The following PTPRG variants were observed in gnomAD, a reference collection of about 807,000 sequenced individuals.
PTPRG encodes protein tyrosine phosphatase receptor type G, also known as receptor-type tyrosine-protein phosphatase gamma.
Under a neutral mutation model 165.3 loss-of-function variants are expected in PTPRG, and 102 were observed. The ratio of observed to expected loss-of-function variants is 0.62; its 90% CI spans 0.53 to 0.73. The LOEUF is 0.73. Among genes scored for constraint, PTPRG ranks in the 30% least tolerant of loss-of-function variants. PTPRG has a pLI of 0.00. For synonymous variants in PTPRG, 675 were observed against 669.5 expected (o/e 1.01, Z -0.13); for missense variants, 1,866 against 1,861.4 (o/e 1.00, Z -0.05).
intron 2 of PTPRG, among the ~76,000 whole-genome samples, chr3:61,964,416 C>T (rs1189381985): frequency 2.6e-5 from 4 of 152,126 alleles, no homozygotes; most frequent in Non-Finnish European, 2.9e-5. Context: ...TCAGCACTGT[C>T]CTCTCCTGGG....
At chr3:61,738,608 C>T (rs576517220) in intron 1 of PTPRG, among the ~76,000 whole-genome samples, 17 of 150,130 alleles carry the variant, frequency 1.1e-4, no homozygotes, top group African/African-American at 2.9e-4. Context: ...TGCAGTGGTG[C>T]GATCTTGGCT....
chr3:61,780,903 A>T (rs192856095), intron 2 of PTPRG, among the ~76,000 whole-genome samples: 5 of 152,256 alleles, frequency 3.3e-5, no homozygotes, highest in African/African-American at 1.2e-4. Flanking sequence ...GCGTGATATT[A>T]TAAGTTAATG....
chr3:62,276,056 C>A, intron 24 of PTPRG, 90 bp downstream of exon 24: 2 of 941,692 alleles, frequency 2.1e-6, no homozygotes, highest in Non-Finnish European at 3.2e-6. Context: ...CTATTGATAG[C>A]ACCCTTCAAT....
intron 5 of PTPRG, among the ~76,000 whole-genome samples, chr3:62,132,068 A>G (rs1189911086): frequency 6.6e-6 from 1 of 152,124 alleles, no homozygotes; most frequent in Non-Finnish European, 1.5e-5. Flanking sequence ...AAGGTGGGAG[A>G]CACTGTCTCT....
At chr3:61,743,306 G>A (rs2033075553) in intron 1 of PTPRG, among the ~76,000 whole-genome samples, 1 of 152,178 alleles carries the variant, frequency 6.6e-6, no homozygotes, top group South Asian at 2.1e-4. Context: ...CTCCTGCTGA[G>A]TGAGACGTAA....
At chr3:62,267,920 T>C in intron 19 of PTPRG, 101 bp downstream of exon 19, 1 of 1,359,420 alleles carries the variant, frequency 7.4e-7, no homozygotes, top group Admixed American at 2.2e-5. Context: ...GTATAAAGAG[T>C]TACGGAAATG....
chr3:62,077,020 T>A (rs1448008735), intron 4 of PTPRG, among the ~76,000 whole-genome samples: 1 of 152,136 alleles, frequency 6.6e-6, no homozygotes. Flanking sequence ...AATCCCAGTG[T>A]TTTGGGAGGC....
chr3:62,127,161 A>G (rs1703323222), intron 5 of PTPRG, among the ~76,000 whole-genome samples: 1 of 152,240 alleles, frequency 6.6e-6, no homozygotes, highest in African/African-American at 2.4e-5. Flanking sequence ...TTATTAATAA[A>G]GGAAGCCAGG....
At chr3:61,667,777 A>G (rs1702850103) in intron 1 of PTPRG, among the ~76,000 whole-genome samples, 1 of 149,688 alleles carries the variant, frequency 6.7e-6, no homozygotes, top group Non-Finnish European at 1.5e-5. Context: ...TGTCTCTTTA[A>G]ACAAAATTTT....
At chr3:62,031,927 T>C (rs1317461963) in intron 4 of PTPRG, among the ~76,000 whole-genome samples, 1 of 152,112 alleles carries the variant, frequency 6.6e-6, no homozygotes, top group Non-Finnish European at 1.5e-5. Context: ...TAAATGTAGA[T>C]ATATCCAGTT....
At chr3:61,840,213 T>G (rs1448191581) in intron 2 of PTPRG, among the ~76,000 whole-genome samples, 1 of 152,208 alleles carries the variant, frequency 6.6e-6, no homozygotes, top group Non-Finnish European at 1.5e-5. Flanking sequence ...ATGATTTTGC[T>G]TCAGTCACTT....
chr3:61,850,784 A>G (rs894733643), intron 2 of PTPRG, among the ~76,000 whole-genome samples: 1 of 152,230 alleles, frequency 6.6e-6, no homozygotes. Flanking sequence ...CCCATTTAAA[A>G]TTTTAATAGA....
Position 61,724,601 on chromosome 3 carries a change from A to G in PTPRG, c.86-24277A>G, listed in dbSNP as rs148372852. Among the ~76,000 whole-genome samples, 779 of 152,094 alleles carry G rather than the reference A, an allele frequency of 5.1e-3. 7 individuals are homozygous for G. The highest frequency in any genetic ancestry group is 0.018 in the African/African-American group (741 of 41,462). On this transcript the variant is annotated intron_variant, in intron 1 of 29. Coordinates refer to ENST00000474889, the MANE Select transcript of PTPRG (RefSeq NM_002841.4). ...AGTACCTTTCCCACTCTACACTCCC[A>G]CCAGCAATGCATAAGAGATCCAGTT...
At chr3:61,715,991 G>A (rs1051295700) in intron 1 of PTPRG, among the ~76,000 whole-genome samples, 3 of 152,110 alleles carry the variant, frequency 2.0e-5, no homozygotes, top group African/African-American at 4.8e-5. Context: ...CATAAGAGGA[G>A]CATAATGACA....
intron 16 of PTPRG, among the ~76,000 whole-genome samples, chr3:62,257,252 A>G (rs1701558382): frequency 6.6e-6 from 1 of 152,222 alleles, no homozygotes; most frequent in African/African-American, 2.4e-5. Flanking sequence ...CTTTTGGGTA[A>G]CTGCTAAAAG....
At chr3:61,810,887 C>T (rs1180601000) in intron 2 of PTPRG, among the ~76,000 whole-genome samples, 1 of 151,828 alleles carries the variant, frequency 6.6e-6, no homozygotes, top group Admixed American at 6.6e-5. Context: ...AAGGTGACAT[C>T]ATATGATGTA....
chr3:61,689,756 G>T (rs1018031581), intron 1 of PTPRG, among the ~76,000 whole-genome samples: 5 of 152,146 alleles, frequency 3.3e-5, no homozygotes, highest in African/African-American at 1.2e-4. Context: ...AATGGAGGGG[G>T]AGAAACTAGT....
chr3:61,753,619 C>A (rs770923044), intron 2 of PTPRG: 18 of 383,756 alleles, frequency 4.7e-5, no homozygotes, highest in South Asian at 3.2e-4. Flanking sequence ...GGATCTTGCT[C>A]TTTCACCCAG....
intron 1 of PTPRG, among the ~76,000 whole-genome samples, chr3:61,728,157 C>T (rs1172020031): frequency 6.6e-6 from 1 of 152,176 alleles, no homozygotes; most frequent in Non-Finnish European, 1.5e-5. Context: ...ATTACAGAGT[C>T]CCATATGATT....
Sources: gnomAD v4.1 joint callset for allele counts (sites outside exome capture counted in the v4.1 genomes callset) on GRCh38, gnomAD v4.1.1 for gene constraint, MANE v1.5 for transcripts, NCBI Gene and HGNC (gene_info 2026-07-23, HGNC 2026-07-21) for gene names.